The following WDR93 variants were observed in gnomAD, a reference collection of about 807,000 sequenced individuals.
The protein encoded by WDR93 is WD repeat domain 93.
A neutral mutation model predicts 82.9 loss-of-function variants in WDR93; 73 were observed. The observed-to-expected ratio is 0.88, with a 90% CI of 0.73 to 1.07. The LOEUF (loss-of-function observed/expected upper bound fraction) is 1.07. Ranked by LOEUF, WDR93 falls within the 50% of genes least tolerant of loss-of-function variation. WDR93 has a pLI of 0.00. For missense variants in WDR93, 738 were observed against 826.0 expected (o/e 0.89, Z 1.31); for synonymous variants, 283 against 300.1 (o/e 0.94, Z 0.59).
In WDR93 at chr15:89,731,579, T is replaced by A; in HGVS notation, c.1330+17T>A. On this transcript the variant is annotated intron_variant, in intron 12 of 16. Transcript: ENST00000268130. ...TGGCCAAAGGTAAGTCCTCCCTGCC[T>A]CTCTACCTAGTACCTGGGTGGGACT... The A allele has an allele frequency of 6.2e-7, 1 of 1,613,758 alleles. No individual in the cohort carries two copies. Among genetic ancestry groups the A allele is most frequent in the Non-Finnish European group, 8.5e-7 (1 of 1,179,908 alleles).
intron 8 of WDR93, among the ~76,000 whole-genome samples, chr15:89,725,931 T>A (rs540527009): frequency 1.3e-5 from 2 of 152,330 alleles, no homozygotes; most frequent in South Asian, 4.1e-4. Flanking sequence ...TAAGGTATAT[T>A]AAGGTATATA....
rs557336146 is a variant in WDR93, at chr15:89,696,109, G to T, written c.-41+5252G>T. On this transcript the variant is annotated intron_variant, in intron 1 of 16. Transcript: ENST00000268130. The stretch of plus-strand genomic sequence containing the variant: ...TGAGATTACAGACATGAGCCACCAT[G>T]CCCAGCCATGCTGTCCTTTTTGAAT... Among the ~76,000 whole-genome samples, 3 of 152,066 alleles carry T rather than the reference G, an allele frequency of 2.0e-5. No homozygotes were observed. In the East Asian group the frequency reaches 5.8e-4, roughly 29 times the overall value.
At chr15:89,743,234 G>T (rs555438155) in intron 16 of WDR93, 58 bp from the exon 17 acceptor site, 2 of 1,577,008 alleles carry the variant, frequency 1.3e-6, no homozygotes, top group Admixed American at 1.7e-5. Flanking sequence ...TGCCCTGGGG[G>T]CTCGGGAGCT....
intron 11 of WDR93, 72 bp from the exon 12 acceptor site, chr15:89,731,371 G>A: frequency 1.3e-6 from 2 of 1,590,730 alleles, no homozygotes; most frequent in Non-Finnish European, 1.7e-6. Flanking sequence ...CTGAGTCACA[G>A]GTTGTCCAGG....
At chr15:89,737,146 G>A (rs1967265782) in intron 14 of WDR93, among the ~76,000 whole-genome samples, 1 of 152,158 alleles carries the variant, frequency 6.6e-6, no homozygotes, top group Admixed American at 6.6e-5. Context: ...AGAGGAAAGA[G>A]CCCAGGCAAG....
At position 89,702,046 on chromosome 15, in the gene WDR93, C is replaced by T. The variant is rs747282175; in HGVS notation, c.300C>T (p.Ile100=). ...CCGTCTACCCTCCACTTGGAGAAAT[C>T]CAGGTATGGAGTAAGCAGTTGACCA... ...QPTVYPPLGE[I]QLNKMPNCMA... is the part of the protein sequence containing the mutation. The change falls in exon 2 of 17, where the codon ATC becomes ATT. Residue 100 remains isoleucine, a synonymous_variant. Coordinates refer to ENST00000268130, the MANE Select transcript of WDR93 (RefSeq NM_020212.2). The T allele has an allele frequency of 1.2e-6, 2 of 1,608,340 alleles. No homozygotes were observed. Among genetic ancestry groups the T allele is most frequent in the Non-Finnish European group, 1.7e-6 (2 of 1,176,932 alleles).
intron 2 of WDR93, 129 bp downstream of exon 2, chr15:89,702,178 T>C: frequency 9.4e-7 from 1 of 1,060,854 alleles, no homozygotes; most frequent in South Asian, 1.7e-5. Flanking sequence ...TTTGAAAGAT[T>C]AGAAGCATGC....
chr15:89,724,175 C>CAA (rs35502769), intron 8 of WDR93, among the ~76,000 whole-genome samples: 61,546 of 149,792 alleles, frequency 0.41, 13,025 homozygotes, highest in Non-Finnish European at 0.45. Flanking sequence ...CCCATCTCCA[C>CAA]AAAAAAAAAT....
At chr15:89,734,560 T>A (rs1306129899) in intron 13 of WDR93, among the ~76,000 whole-genome samples, 1 of 152,192 alleles carries the variant, frequency 6.6e-6, no homozygotes, top group Non-Finnish European at 1.5e-5. Context: ...CCCACATCCA[T>A]GCCCACATTC....
intron 5 of WDR93, among the ~76,000 whole-genome samples, chr15:89,712,610 G>A (rs1966043134): frequency 6.6e-6 from 1 of 151,932 alleles, no homozygotes; most frequent in Non-Finnish European, 1.5e-5. Flanking sequence ...CTGGGGTTAA[G>A]GATTTGGGGG....
chr15:89,690,520 G>A, upstream of WDR93: 1 of 1,339,416 alleles, frequency 7.5e-7, no homozygotes, highest in Non-Finnish European at 1.0e-6. Context: ...CAGGGGAATA[G>A]GCACGGGAGC....
chr15:89,723,433 C>T (rs1171270262), intron 8 of WDR93, among the ~76,000 whole-genome samples: 1 of 151,906 alleles, frequency 6.6e-6, no homozygotes, highest in Non-Finnish European at 1.5e-5. Flanking sequence ...AGAACAAGAC[C>T]CTGGTTCAAA....
chr15:89,740,089 AT>A (rs1006996571), intron 16 of WDR93, among the ~76,000 whole-genome samples: 3 of 151,954 alleles, frequency 2.0e-5, no homozygotes, highest in African/African-American at 4.8e-5. Context: ...ATGATGCCTG[AT>A]TTTTTTTGGC....
At chr15:89,714,913 C>G (rs17238390) in intron 5 of WDR93, 67 bp from the exon 6 acceptor site, 274,825 of 1,355,268 alleles carry the variant, frequency 0.2, 29,859 homozygotes, top group Middle Eastern at 0.32. Flanking sequence ...AGAAGACAGG[C>G]CATTTCTCAG....
At position 89,712,237 on chromosome 15, in the gene WDR93, A is replaced by G. The variant is rs1966011500; in HGVS notation, c.640+133A>G. ...CAAAGAAGAGTTGCAAAGAAATTAC[A>G]GAGTTCCCTTATGCCCTTCACCCAG... is the stretch of plus-strand genomic sequence containing the variant. On this transcript the variant is annotated intron_variant, in intron 5 of 16. Transcript: ENST00000268130. 7 of 712,494 alleles carry G rather than the reference A, an allele frequency of 9.8e-6. No individual in the cohort carries two copies. The South Asian group carries it at 1.2e-4, about 13-fold the overall frequency. 44.1% of individuals were successfully genotyped at this position (712,494 alleles called of 1,614,324 possible).
intron 6 of WDR93, among the ~76,000 whole-genome samples, chr15:89,716,676 CTT>C (rs1966267396): frequency 6.6e-6 from 1 of 152,212 alleles, no homozygotes; most frequent in African/African-American, 2.4e-5. Context: ...CAGATTTCCT[CTT>C]GTTATTAACT....
intron 13 of WDR93, among the ~76,000 whole-genome samples, chr15:89,735,241 G>A (rs1401885214): frequency 6.6e-6 from 1 of 152,146 alleles, no homozygotes; most frequent in Admixed American, 6.5e-5. Context: ...AGCCATACAT[G>A]TTGATGCATG....
chr15:89,733,079 G>T lies in WDR93; in HGVS notation c.1404G>T (p.Ser468=), dbSNP rs767559950. The T allele has an allele frequency of 6.2e-7, 1 of 1,614,030 alleles. No individual in the cohort carries two copies. Among genetic ancestry groups the T allele is most frequent in the Non-Finnish European group, 8.5e-7 (1 of 1,179,996 alleles). ...CQSIHFLKYF[S]VHKGQNMYPE... ...GCATTCACTTCCTAAAATATTTCTC[G>T]GTCCACAAAGGACAGAATATGTATC... is the stretch of plus-strand genomic sequence containing the variant. The change falls in exon 13 of 17, where the codon TCG becomes TCT. Residue 468 remains serine, a synonymous_variant. Transcript: ENST00000268130.
At position 89,722,160 on chromosome 15, in the gene WDR93, T is replaced by C. The variant is rs374588562; in HGVS notation, c.880+21T>C. 1.6e-5 allele frequency: 25 copies of C among 1,518,548 alleles called. 1 individual carries two copies. The African/African-American group carries it at 2.4e-4, about 14-fold the overall frequency. The allele number at this position is 1,518,548 out of a possible 1,614,324, so 94.1% of individuals were successfully genotyped here. ...TACAGGTAAGTGTGATTCAAATCTCTCTCCTTTTGCCATTGATTTATCTGT... is the reference window on the plus strand; with the variant it reads ...TACAGGTAAGTGTGATTCAAATCTCCCTCCTTTTGCCATTGATTTATCTGT... On this transcript the variant is annotated intron_variant, in intron 8 of 16. Coordinates refer to ENST00000268130, the MANE Select transcript of WDR93 (RefSeq NM_020212.2).
Sources: gnomAD v4.1 joint callset for allele counts (sites outside exome capture counted in the v4.1 genomes callset) on GRCh38, gnomAD v4.1.1 for gene constraint, MANE v1.5 for transcripts, NCBI Gene and HGNC (gene_info 2026-07-23, HGNC 2026-07-21) for gene names.